Variants in GMDS observed in about 807,000 individuals in gnomAD.
GMDS encodes GDP-mannose 4,6-dehydratase.
Under a neutral mutation model 49.9 loss-of-function variants are expected in GMDS, and 20 were observed. The observed-to-expected ratio is 0.40, with a 90% CI of 0.28 to 0.58. The LOEUF (loss-of-function observed/expected upper bound fraction) is 0.58. Ranked by LOEUF, GMDS falls within the 20% of genes least tolerant of loss-of-function variation. GMDS has a pLI of 0.42. For synonymous variants in GMDS, 177 were observed against 178.6 expected, an observed-to-expected ratio of 0.99 and a Z score of 0.07; for missense variants, 362 against 481.4, an observed-to-expected ratio of 0.75 and a Z score of 2.32.
chr6:1,868,526 A>G (rs1021395079), intron 7 of GMDS, among the ~76,000 whole-genome samples: 7 of 152,214 alleles, frequency 4.6e-5, no homozygotes, highest in African/African-American at 1.7e-4. Flanking sequence ...AAGGAAATCG[A>G]GAGCCATATT....
intron 1 of GMDS, among the ~76,000 whole-genome samples, chr6:2,198,452 C>G (rs537750443): frequency 3.4e-4 from 51 of 151,910 alleles, no homozygotes; most frequent in African/African-American, 1.2e-3. Flanking sequence ...TTCTGTTTTT[C>G]TTTTCTAAAA....
At chr6:2,103,386 A>C (rs1297000201) in intron 4 of GMDS, among the ~76,000 whole-genome samples, 1 of 152,222 alleles carries the variant, frequency 6.6e-6, no homozygotes, top group African/African-American at 2.4e-5. Flanking sequence ...GAGACTTGCC[A>C]GATACTGCTT....
intron 9 of GMDS, among the ~76,000 whole-genome samples, chr6:1,630,714 C>T (rs1266818680): frequency 6.6e-6 from 1 of 152,204 alleles, no homozygotes; most frequent in Non-Finnish European, 1.5e-5. Flanking sequence ...CTGTCTGTAC[C>T]TGTTCTACAT....
intron 7 of GMDS, among the ~76,000 whole-genome samples, chr6:1,886,312 T>C (rs939326090): frequency 7.9e-5 from 12 of 152,132 alleles, no homozygotes; most frequent in African/African-American, 2.9e-4. Flanking sequence ...CAATAAAAAA[T>C]GAGAATGACC....
intron 1 of GMDS, among the ~76,000 whole-genome samples, chr6:2,162,324 C>G (rs1777442568): frequency 6.6e-6 from 1 of 152,116 alleles, no homozygotes; most frequent in Non-Finnish European, 1.5e-5. Context: ...TGACAAGGAA[C>G]TGACTAGACA....
intron 4 of GMDS, among the ~76,000 whole-genome samples, chr6:1,989,698 C>A (rs1394115879): frequency 6.6e-6 from 1 of 152,224 alleles, no homozygotes; most frequent in East Asian, 1.9e-4. Context: ...TCCAAACACT[C>A]CTCTCTGATG....
At position 2,220,325 on chromosome 6, in the gene GMDS, T is replaced by C. The variant is rs1174745191; in HGVS notation, c.102+24996A>G. 2.0e-5 allele frequency among the ~76,000 whole-genome samples: 3 copies of C among 152,236 alleles called. No individual in the cohort carries two copies. In the East Asian group the frequency reaches 5.8e-4, roughly 29 times the overall value. On this transcript the variant is annotated intron_variant, in intron 1 of 10. Coordinates refer to ENST00000380815, the MANE Select transcript of GMDS (RefSeq NM_001500.4). ...TCACAGATGGAGACGGAAAGCCTGC[T>C]GCTGTGTGCTGTTGCTGTGGTTTAG...
chr6:1,894,485 G>A (rs1760049841), intron 7 of GMDS, among the ~76,000 whole-genome samples: 1 of 152,070 alleles, frequency 6.6e-6, no homozygotes, highest in South Asian at 2.1e-4. Context: ...AACATTAAGA[G>A]AACAATAATG....
chr6:1,736,301 G>A (rs1767000508), intron 8 of GMDS, among the ~76,000 whole-genome samples: 1 of 152,164 alleles, frequency 6.6e-6, no homozygotes, highest in Non-Finnish European at 1.5e-5. Flanking sequence ...AATGATAGTA[G>A]GATTCAGATT....
intron 7 of GMDS, among the ~76,000 whole-genome samples, chr6:1,866,646 T>C (rs75750520): frequency 6.6e-6 from 1 of 152,216 alleles, no homozygotes; most frequent in South Asian, 2.1e-4. Flanking sequence ...GTAGTTACAA[T>C]ATAAAAGTTT....
chr6:1,703,790 G>A (rs749905860), intron 9 of GMDS, among the ~76,000 whole-genome samples: 2 of 152,250 alleles, frequency 1.3e-5, no homozygotes, highest in Non-Finnish European at 2.9e-5. Flanking sequence ...CTCACCAGTG[G>A]CCGCAGGGCC....
At chr6:1,706,880 C>A (rs1170943752) in intron 9 of GMDS, among the ~76,000 whole-genome samples, 1 of 152,158 alleles carries the variant, frequency 6.6e-6, no homozygotes, top group Admixed American at 6.5e-5. Context: ...CTCAGTTATC[C>A]CCTATGGTTG....
At chr6:1,809,123 G>C (rs1420125850) in intron 7 of GMDS, among the ~76,000 whole-genome samples, 1 of 152,138 alleles carries the variant, frequency 6.6e-6, no homozygotes. Context: ...ATGAAAGAGG[G>C]ATTTATGTTT....
chr6:2,049,280 T>C (rs1442062117), intron 4 of GMDS, among the ~76,000 whole-genome samples: 1 of 152,232 alleles, frequency 6.6e-6, no homozygotes, highest in Non-Finnish European at 1.5e-5. Flanking sequence ...ATCATATTTA[T>C]CTGCAAATAT....
chr6:1,639,701 A>G lies in GMDS; in HGVS notation c.988-15161T>C, dbSNP rs141684923. Among the ~76,000 whole-genome samples, 266 of 152,324 alleles carry G rather than the reference A, an allele frequency of 1.7e-3. 2 individuals carry two copies. The highest frequency in any genetic ancestry group is 6.1e-3 in the African/African-American group (252 of 41,574). ...CACAAGTTCGAGATTAGCCTGGGCA[A>G]TATGGTGAAAGCCCATCTCTACAAA... On this transcript the variant is annotated intron_variant, in intron 9 of 10. Coordinates refer to ENST00000380815, the MANE Select transcript of GMDS (RefSeq NM_001500.4).
chr6:1,808,632 T>C (rs913169108), intron 7 of GMDS, among the ~76,000 whole-genome samples: 2 of 152,216 alleles, frequency 1.3e-5, no homozygotes, highest in Non-Finnish European at 2.9e-5. Context: ...GGTACATACA[T>C]ACAATGGTTA....
intron 1 of GMDS, among the ~76,000 whole-genome samples, chr6:2,134,333 C>T (rs1050508003): frequency 1.3e-5 from 2 of 152,210 alleles, no homozygotes; most frequent in Admixed American, 1.3e-4. Flanking sequence ...CAACCATATA[C>T]TTTTTAAAAT....
intron 9 of GMDS, among the ~76,000 whole-genome samples, chr6:1,702,085 C>G (rs1765562144): frequency 6.6e-6 from 1 of 152,212 alleles, no homozygotes; most frequent in Non-Finnish European, 1.5e-5. Flanking sequence ...CCCTTTAAGA[C>G]AAGGAAAGTT....
intron 8 of GMDS, among the ~76,000 whole-genome samples, chr6:1,728,265 AT>A (rs1766661827): frequency 6.6e-6 from 1 of 152,210 alleles, no homozygotes; most frequent in African/African-American, 2.4e-5. Flanking sequence ...TCTAAAGTTA[AT>A]TGTTTAAGTA....
Sources: allele counts gnomAD v4.1 joint callset (sites outside exome capture counted in the v4.1 genomes callset), GRCh38; gene constraint gnomAD v4.1.1; transcripts MANE v1.5; gene names NCBI Gene and HGNC (gene_info 2026-07-23, HGNC 2026-07-21).